Variants in BTD observed in about 807,000 individuals in gnomAD.
BTD encodes the protein biotinidase.
BTD carries 13 observed loss-of-function variants against 17.7 expected under a neutral mutation model. The ratio of observed to expected loss-of-function variants is 0.74; its 90% confidence interval spans 0.48 to 1.17. The LOEUF (loss-of-function observed/expected upper bound fraction) is 1.17. Ranked by LOEUF, BTD falls within the 50% of genes most tolerant of loss-of-function variation. BTD has a pLI of 0.00. For synonymous variants in BTD, 240 were observed against 245.2 expected (o/e 0.98, Z 0.20); for missense variants, 674 against 650.4 (o/e 1.04, Z -0.39).
intron 1 of BTD, among the ~76,000 whole-genome samples, chr3:15,609,519 C>A (rs1368657419): frequency 6.6e-6 from 1 of 152,144 alleles, no homozygotes; most frequent in Non-Finnish European, 1.5e-5. Flanking sequence ...ATTTGATCTC[C>A]AAAGTATTGT....
exon 4 of BTD, among the ~76,000 whole-genome samples, chr3:15,710,497 T>TA (rs930437206): frequency 6.6e-6 from 1 of 152,122 alleles, no homozygotes; most frequent in Admixed American, 6.6e-5. Context: ...CTCTACAACT[T>TA]AGACTGTGCT....
chr3:15,618,454 A>G (rs2064853762), intron 1 of BTD, among the ~76,000 whole-genome samples: 1 of 152,226 alleles, frequency 6.6e-6, no homozygotes, highest in African/African-American at 2.4e-5. Context: ...CAGACCTTAA[A>G]CATTTTTAAA....
At chr3:15,639,111 T>A (rs1575019727) in intron 2 of BTD, among the ~76,000 whole-genome samples, 1 of 152,032 alleles carries the variant, frequency 6.6e-6, no homozygotes, top group East Asian at 1.9e-4. Flanking sequence ...TTGATCTCAT[T>A]GAGATCTACC....
chr3:15,642,170 A>G (rs1017834481), intron 3 of BTD, 113 bp downstream of exon 3: 10 of 1,536,820 alleles, frequency 6.5e-6, no homozygotes, highest in Non-Finnish European at 7.9e-6. Flanking sequence ...AACATCCCCA[A>G]AATCCAACCC....
chr3:15,645,688 G>C lies in BTD; in HGVS notation c.*200G>C. 1.7e-6 allele frequency: 1 copy of C among 597,582 alleles called. No individual in the cohort carries two copies. The highest frequency in any genetic ancestry group is 2.9e-6 in the Non-Finnish European group (1 of 339,886). 37.0% of individuals were successfully genotyped at this position (597,582 alleles called of 1,614,324 possible). A position where few individuals can be genotyped will look rare whatever the true frequency, so the allele number is the denominator to read the frequency against. On this transcript the variant is annotated 3_prime_UTR_variant, in exon 4 of 4. Transcript: ENST00000643237. ...GTCTTCCTCTTAAACCTCAATCATC[G>C]AGACATTAGGGGGTATTTTCTGTTC...
At chr3:15,657,853 A>C (rs144543509), downstream of BTD, among the ~76,000 whole-genome samples, 1 of 151,808 alleles carries the variant, frequency 6.6e-6, no homozygotes. Context: ...CCAGAAACCC[A>C]AGATATAACA....
At chr3:15,642,523 C>G (rs2065545504) in intron 3 of BTD, among the ~76,000 whole-genome samples, 1 of 148,330 alleles carries the variant, frequency 6.7e-6, no homozygotes, top group Admixed American at 6.9e-5. Flanking sequence ...GGCGCGATCT[C>G]AGCTCACTGC....
intron 1 of BTD, 24 bp downstream of exon 1, chr3:15,601,918 G>A (rs752839253): frequency 2.7e-5 from 43 of 1,612,764 alleles, no homozygotes; most frequent in Middle Eastern, 3.8e-4. Context: ...GTGGTGCGGC[G>A]CGGAGGGGGT....
At chr3:15,630,067 G>C (rs1016408123) in intron 1 of BTD, 8 of 985,308 alleles carry the variant, frequency 8.1e-6, no homozygotes, top group Non-Finnish European at 7.2e-6. Context: ...TTTACATCCA[G>C]TCATATTGTA....
intron 3 of BTD, chr3:15,697,309 T>C (rs967935719): frequency 5.9e-5 from 9 of 152,912 alleles, no homozygotes; most frequent in African/African-American, 2.2e-4. Flanking sequence ...GTACCCAATA[T>C]GTAGTCTTTT....
At chr3:15,657,013 C>T (rs756147360), downstream of BTD, among the ~76,000 whole-genome samples, 33 of 152,270 alleles carry the variant, frequency 2.2e-4, no homozygotes, top group Middle Eastern at 3.4e-3. Context: ...CACTCAGGTC[C>T]CTGGCACATT....
intron 3 of BTD, among the ~76,000 whole-genome samples, chr3:15,708,294 G>A (rs995314232): frequency 1.4e-4 from 21 of 152,046 alleles, no homozygotes; most frequent in Non-Finnish European, 8.8e-5. Flanking sequence ...TTATTTCATC[G>A]CCTCCAGGCA....
chr3:15,713,704 T>C (rs200359282), downstream of BTD: 1 of 1,039,850 alleles, frequency 9.6e-7, no homozygotes, highest in Non-Finnish European at 1.4e-6. Flanking sequence ...ACGTACTACA[T>C]GAAAAGTAAT....
rs767046617 is a variant in BTD at position 15,670,463 on chromosome 3, C to T, written c.399+28406C>T. ...ATTGAATGTTAAGGATGATAAAGGA[C>T]TACTTGATGAGACAGGCATCATGGT... On this transcript the variant is annotated intron_variant, in intron 3 of 3. Coordinates refer to the BTD transcript ENST00000672141. 8 of 1,613,812 alleles carry T rather than the reference C, an allele frequency of 5.0e-6. No homozygotes were observed. In the Admixed American group the frequency reaches 1.3e-4, roughly 27 times the overall value.
At chr3:15,713,585 G>A (rs764801634), downstream of BTD, 54 of 1,610,592 alleles carry the variant, frequency 3.4e-5, no homozygotes, top group African/African-American at 6.7e-5. Context: ...TGGCCATACC[G>A]TGCTGCTATG....
chr3:15,676,127 C>A, intron 3 of BTD: 1 of 562,378 alleles, frequency 1.8e-6, no homozygotes, highest in Non-Finnish European at 3.1e-6. Flanking sequence ...GTCCTAATAA[C>A]AAAGATGGGG....
intron 3 of BTD, among the ~76,000 whole-genome samples, chr3:15,671,084 T>C (rs1366218605): frequency 6.6e-6 from 1 of 152,264 alleles, no homozygotes; most frequent in African/African-American, 2.4e-5. Context: ...GAATGACACT[T>C]AGTTGTCAAT....
downstream of BTD, chr3:15,714,583 T>C (rs770552758): frequency 1.9e-6 from 3 of 1,566,056 alleles, no homozygotes; most frequent in Non-Finnish European, 2.6e-6. Flanking sequence ...TTTACCACTC[T>C]GGATAATGGT....
In BTD at chr3:15,651,237, C is replaced by G. The variant is rs952645925; in HGVS notation, c.*5749C>G. ...GGAAGGGGAGTGGGATATAGTTGGG[C>G]CAAAACAGTAAATGTCCACGAGGCT... On this transcript the variant is annotated 3_prime_UTR_variant, in exon 4 of 4. Transcript: ENST00000643237. Among the ~76,000 whole-genome samples, 4 of 152,132 alleles carry G rather than the reference C, an allele frequency of 2.6e-5. No individual in the cohort carries two copies. Among genetic ancestry groups the G allele is most frequent in the African/African-American group, 9.7e-5 (4 of 41,432 alleles).
Sources: gnomAD v4.1 joint callset for allele counts (sites outside exome capture counted in the v4.1 genomes callset) on GRCh38, gnomAD v4.1.1 for gene constraint, MANE v1.5 for transcripts, NCBI Gene and HGNC (gene_info 2026-07-23, HGNC 2026-07-21) for gene names.